The following RIT2 variants were observed in gnomAD, a reference collection of about 807,000 sequenced individuals.
RIT2 encodes the protein GTP-binding protein Rit2.
Under a neutral mutation model 23.7 loss-of-function variants are expected in RIT2, and 24 were observed. The ratio of observed to expected loss-of-function variants is 1.01; its 90% CI spans 0.73 to 1.43. The LOEUF (loss-of-function observed/expected upper bound fraction) is 1.43. Ranked by LOEUF, RIT2 falls within the 40% of genes most tolerant of loss-of-function variation. RIT2 has a pLI of 0.00. For synonymous variants in RIT2, 107 were observed against 91.1 expected (o/e 1.17, Z -0.99); for missense variants, 236 against 266.9 (o/e 0.88, Z 0.81).
chr18:43,013,351 T>G (rs1359218953), intron 2 of RIT2, among the ~76,000 whole-genome samples: 1 of 151,896 alleles, frequency 6.6e-6, no homozygotes, highest in Admixed American at 6.6e-5. Context: ...AATATAAATT[T>G]GTGTCAATAA....
At chr18:42,913,258 T>C (rs1005402891) in intron 4 of RIT2, among the ~76,000 whole-genome samples, 9 of 150,420 alleles carry the variant, frequency 6.0e-5, no homozygotes, top group Non-Finnish European at 1.0e-4. Flanking sequence ...GATATAAATG[T>C]GAAACAAAAT....
chr18:43,058,186 C>CT (rs1165549811), intron 1 of RIT2, among the ~76,000 whole-genome samples: 1 of 151,918 alleles, frequency 6.6e-6, no homozygotes, highest in Non-Finnish European at 1.5e-5. Context: ...TTGATGTGTC[C>CT]TTTTTTTATG....
chr18:42,806,754 G>A (rs1408540261), intron 4 of RIT2, among the ~76,000 whole-genome samples: 4 of 152,180 alleles, frequency 2.6e-5, no homozygotes, highest in Admixed American at 2.0e-4. Flanking sequence ...TTAACACTTT[G>A]CAAAGCAATT....
At chr18:43,092,364 G>A (rs1028981761) in intron 1 of RIT2, among the ~76,000 whole-genome samples, 4 of 152,046 alleles carry the variant, frequency 2.6e-5, no homozygotes, top group African/African-American at 9.7e-5. Flanking sequence ...ATACCTGCCT[G>A]ACCAGGTCAC....
chr18:42,866,429 C>G (rs1247798327), intron 4 of RIT2, among the ~76,000 whole-genome samples: 2 of 152,106 alleles, frequency 1.3e-5, no homozygotes, highest in African/African-American at 2.4e-5. Context: ...ATTTCTCCTT[C>G]TTGCAGTCTC....
intron 1 of RIT2, among the ~76,000 whole-genome samples, chr18:43,086,634 CT>C (rs761360027): frequency 2.6e-5 from 4 of 152,136 alleles, no homozygotes; most frequent in Non-Finnish European, 4.4e-5. Flanking sequence ...ACAAAAGGCA[CT>C]GCACGGCTGG....
intron 4 of RIT2, among the ~76,000 whole-genome samples, chr18:42,791,969 G>A (rs1401643053): frequency 6.6e-6 from 1 of 152,122 alleles, no homozygotes; most frequent in African/African-American, 2.4e-5. Context: ...GCAGACTGCT[G>A]GAGAAGAAAA....
chr18:43,069,194 A>AT (rs1365154864), intron 1 of RIT2, among the ~76,000 whole-genome samples: 2 of 152,030 alleles, frequency 1.3e-5, no homozygotes, highest in African/African-American at 2.4e-5. Flanking sequence ...TCTCCCTGTG[A>AT]TTTTTTGTTG....
Position 43,057,271 on chromosome 18 carries a change from A to G in RIT2, c.104-23404T>C, listed in dbSNP as rs28390157. ...CCTATTTTCTGCCCTCTTTGATACC[A>G]CAATCTTACTTATTGTTTGAGTTAA... On this transcript the variant is annotated intron_variant, in intron 1 of 4. Transcript: ENST00000326695. Among the ~76,000 whole-genome samples, 1,411 of 152,170 alleles carry G rather than the reference A, an allele frequency of 9.3e-3. 38 individuals carry two copies. The highest frequency in any genetic ancestry group is 0.032 in the African/African-American group (1,344 of 41,540).
At chr18:43,068,024 A>T (rs563485614) in intron 1 of RIT2, among the ~76,000 whole-genome samples, 12 of 152,324 alleles carry the variant, frequency 7.9e-5, no homozygotes, top group Admixed American at 7.8e-4. Context: ...TGAGATATTC[A>T]AGGCTCTAAT....
intron 4 of RIT2, among the ~76,000 whole-genome samples, chr18:42,868,210 G>A (rs1228664714): frequency 1.3e-5 from 2 of 152,142 alleles, no homozygotes; most frequent in African/African-American, 4.8e-5. Context: ...ACTTTCCTGT[G>A]AATTCATGCA....
At chr18:43,026,194 A>G (rs539263257) in intron 2 of RIT2, among the ~76,000 whole-genome samples, 19 of 152,050 alleles carry the variant, frequency 1.2e-4, no homozygotes, top group Non-Finnish European at 2.5e-4. Context: ...GTGTGGCAAA[A>G]GAAAAAAATC....
intron 2 of RIT2, among the ~76,000 whole-genome samples, chr18:42,999,746 T>G (rs1000766085): frequency 2.6e-5 from 4 of 152,094 alleles, no homozygotes; most frequent in Non-Finnish European, 5.9e-5. Flanking sequence ...AGTTAAGATT[T>G]TCAAAAGATA....
chr18:42,967,009 T>C (rs1368343828), intron 3 of RIT2, among the ~76,000 whole-genome samples: 2 of 152,274 alleles, frequency 1.3e-5, no homozygotes, highest in East Asian at 1.9e-4. Flanking sequence ...CATTCATTTA[T>C]ATAATCTAAA....
chr18:42,998,549 G>C (rs1911037387), intron 2 of RIT2, among the ~76,000 whole-genome samples: 1 of 151,996 alleles, frequency 6.6e-6, no homozygotes, highest in Admixed American at 6.6e-5. Flanking sequence ...ATAGGTTTTG[G>C]ATTTTTTTTT....
At chr18:42,982,746 C>T (rs950786391) in intron 2 of RIT2, among the ~76,000 whole-genome samples, 5 of 152,050 alleles carry the variant, frequency 3.3e-5, no homozygotes, top group African/African-American at 4.8e-5. Context: ...CAAATTTACA[C>T]TTGCTCAAAA....
intron 1 of RIT2, among the ~76,000 whole-genome samples, chr18:43,078,450 C>T (rs910252849): frequency 6.6e-6 from 1 of 151,808 alleles, no homozygotes; most frequent in Non-Finnish European, 1.5e-5. Flanking sequence ...ATCACTGCCA[C>T]ATGTATAAAT....
At position 42,755,040 on chromosome 18, in the gene RIT2, CCTT is replaced by C. The variant is rs542017774; in HGVS notation, c.427-11323_427-11321del. The stretch of plus-strand genomic sequence containing the variant: ...TGGTTTAATTTCCTCATAAAATTCT[CCTT>C]CATAGAATTGGTAATAGGATTCAAT... On this transcript the variant is annotated intron_variant, in intron 4 of 4. Transcript: ENST00000326695. Among the ~76,000 whole-genome samples the C allele has an allele frequency of 4.3e-3, 651 of 152,200 alleles. 5 individuals carry two copies. Among genetic ancestry groups the C allele is most frequent in the Non-Finnish European group, 7.2e-3 (492 of 68,018 alleles).
At chr18:42,744,728 C>A (rs1329735232) in intron 4 of RIT2, among the ~76,000 whole-genome samples, 4 of 151,972 alleles carry the variant, frequency 2.6e-5, no homozygotes, top group Non-Finnish European at 5.9e-5. Flanking sequence ...AGAGCTTTCA[C>A]TGAAGAATAA....
Sources: allele counts gnomAD v4.1 joint callset (sites outside exome capture counted in the v4.1 genomes callset), GRCh38; gene constraint gnomAD v4.1.1; transcripts MANE v1.5; gene names NCBI Gene and HGNC (gene_info 2026-07-23, HGNC 2026-07-21).